NFXL1: variants seen among roughly 807,000 people sequenced by gnomAD.
NFXL1 encodes nuclear transcription factor, X-box binding like 1.
Under a neutral mutation model 123.3 loss-of-function variants are expected in NFXL1, and 66 were observed. The observed-to-expected ratio is 0.54, with a 90% CI of 0.44 to 0.66. The LOEUF (loss-of-function observed/expected upper bound fraction) is 0.66, where lower values mean the gene tolerates loss of function less well. Among genes scored for constraint, NFXL1 ranks in the 30% least tolerant of loss-of-function variants. The pLI is 0.00. For missense variants in NFXL1, 944 were observed against 1,125.6 expected (o/e 0.84, Z 2.31); for synonymous variants, 346 against 360.8 (o/e 0.96, Z 0.46).
chr4:47,877,895 A>T (rs773205340), intron 17 of NFXL1, among the ~76,000 whole-genome samples: 7 of 152,040 alleles, frequency 4.6e-5, no homozygotes, highest in Non-Finnish European at 1.0e-4. Flanking sequence ...ACAGAACGGA[A>T]GTCTAGAAAA....
At chr4:47,852,686 C>A (rs1413895230) in intron 20 of NFXL1, among the ~76,000 whole-genome samples, 3 of 152,074 alleles carry the variant, frequency 2.0e-5, no homozygotes, top group Non-Finnish European at 4.4e-5. Context: ...TGTACTACGA[C>A]AGAATAAAAC....
Position 47,899,138 on chromosome 4 carries a change from C to CAAA in NFXL1, c.827-21_827-19dup, listed in dbSNP as rs3057881. The CAAA allele has an allele frequency of 1.1e-4, 138 of 1,212,058 alleles. No homozygotes were observed. Among genetic ancestry groups the CAAA allele is most frequent in the African/African-American group, 3.0e-4 (16 of 53,424 alleles). 75.1% of individuals were successfully genotyped at this position (1,212,058 alleles called of 1,614,324 possible). A position where few individuals can be genotyped will look rare whatever the true frequency, so the allele number is the denominator to read the frequency against. Reference sequence around the variant, plus strand: ...GCAGGGACCTAGAATTCAGTAAAAGCAAAAAAAAAAAAAAAAAAAAAATCT... The same window carrying CAAA: ...GCAGGGACCTAGAATTCAGTAAAAGCAAAAAAAAAAAAAAAAAAAAAAAAATCT... On this transcript the variant is annotated intron_variant, in intron 6 of 22. Transcript: ENST00000507489.
intron 15 of NFXL1, among the ~76,000 whole-genome samples, chr4:47,880,807 T>TAAAAAAAAAAAAAAAAAAAAAAAAAAAA (rs57880960): frequency 1.3e-5 from 1 of 78,834 alleles, no homozygotes; most frequent in Non-Finnish European, 2.5e-5. Flanking sequence ...AATTAATGAG[T>TAAAAAAAAAAAAAAAAAAAAAAAAAAAA]AAAAAAAAAA....
At chr4:47,881,316 A>G (rs1003702584) in intron 15 of NFXL1, among the ~76,000 whole-genome samples, 3 of 152,254 alleles carry the variant, frequency 2.0e-5, no homozygotes, top group African/African-American at 4.8e-5. Context: ...TCCTATAAAT[A>G]TGTATAATTA....
intron 14 of NFXL1, among the ~76,000 whole-genome samples, chr4:47,885,143 A>G (rs1736349380): frequency 6.6e-6 from 1 of 151,302 alleles, no homozygotes; most frequent in African/African-American, 2.4e-5. Context: ...AAAAAATTAA[A>G]TAACTAAAAA....
At chr4:47,910,104 A>T (rs1041841554) in intron 3 of NFXL1, among the ~76,000 whole-genome samples, 4 of 152,244 alleles carry the variant, frequency 2.6e-5, no homozygotes, top group African/African-American at 9.6e-5. Context: ...TCACATAAAC[A>T]AACGTGGCTT....
intron 11 of NFXL1, among the ~76,000 whole-genome samples, 177 bp from the exon 12 acceptor site, chr4:47,890,880 G>GAAGTATGATGAAGTAA (rs1256212890): frequency 1.2e-4 from 19 of 152,186 alleles, no homozygotes; most frequent in Admixed American, 3.3e-4. Context: ...AACTTATGAT[G>GAAGTATGATGAAGTAA]ACCTAATTTA....
rs1446343388 is a variant in NFXL1 at position 47,847,834 on chromosome 4, T to C, written c.*329A>G. ...ATATGGCTCAGTCTCATCTGAATTATTTTTTTAAAAGTGTTGGTTTGAATT... is the reference window on the plus strand; with the variant it reads ...ATATGGCTCAGTCTCATCTGAATTACTTTTTTAAAAGTGTTGGTTTGAATT... On this transcript the variant is annotated 3_prime_UTR_variant, in exon 23 of 23. Coordinates refer to ENST00000507489, the MANE Select transcript of NFXL1 (RefSeq NM_001278624.2). 1 of 172,512 alleles carries C rather than the reference T, an allele frequency of 5.8e-6. No homozygotes were observed. The highest frequency in any genetic ancestry group is 1.2e-5 in the Non-Finnish European group (1 of 81,716). 10.7% of individuals were successfully genotyped at this position (172,512 alleles called of 1,614,324 possible).
chr4:47,898,212 T>C lies in NFXL1; in HGVS notation c.1090-131A>G, dbSNP rs575614018. 2.0e-3 allele frequency: 1,202 copies of C among 603,592 alleles called. 5 individuals are homozygous for C. The highest frequency in any genetic ancestry group is 2.7e-3 in the Non-Finnish European group (907 of 339,736). 37.4% of individuals were successfully genotyped at this position (603,592 alleles called of 1,614,324 possible). A position where few individuals can be genotyped will look rare whatever the true frequency, so the allele number is the denominator to read the frequency against. On this transcript the variant is annotated intron_variant, in intron 8 of 22. Transcript: ENST00000507489. Reference sequence around the variant, plus strand: ...ACGTCCCTCATATTATTTTACTTTATATTTTATACAGGTGTCATACATATG... The same window carrying C: ...ACGTCCCTCATATTATTTTACTTTACATTTTATACAGGTGTCATACATATG...
intron 19 of NFXL1, among the ~76,000 whole-genome samples, chr4:47,862,240 T>C (rs1734809708): frequency 1.3e-5 from 2 of 152,226 alleles, no homozygotes; most frequent in African/African-American, 4.8e-5. Context: ...TTGAATAAAA[T>C]GCTTAGACAA....
chr4:47,879,340 C>A (rs1330882943), intron 15 of NFXL1, among the ~76,000 whole-genome samples: 1 of 151,876 alleles, frequency 6.6e-6, no homozygotes, highest in African/African-American at 2.4e-5. Context: ...TACATTAGCA[C>A]AAAAAATGAA....
intron 18 of NFXL1, among the ~76,000 whole-genome samples, chr4:47,873,262 A>G (rs1357275886): frequency 6.6e-6 from 1 of 152,156 alleles, no homozygotes; most frequent in Non-Finnish European, 1.5e-5. Context: ...GCTGGAATCA[A>G]CTTCTTCCAA....
rs577600395 is a variant in NFXL1 at position 47,892,060 on chromosome 4, G to A, written c.1453-1357C>T. 5.9e-5 allele frequency among the ~76,000 whole-genome samples: 9 copies of A among 152,308 alleles called. No individual in the cohort carries two copies. The South Asian group carries it at 1.9e-3, about 32-fold the overall frequency. ...ATTATGTGGTCCATGACTTGAATAAGCCAATAGACACTTCTGTTTTGAGTT... is the reference window on the plus strand; with the variant it reads ...ATTATGTGGTCCATGACTTGAATAAACCAATAGACACTTCTGTTTTGAGTT... On this transcript the variant is annotated intron_variant, in intron 11 of 22. Transcript: ENST00000507489.
chr4:47,849,847 T>C (rs1734016337), intron 22 of NFXL1, among the ~76,000 whole-genome samples: 1 of 152,110 alleles, frequency 6.6e-6, no homozygotes, highest in African/African-American at 2.4e-5. Flanking sequence ...CACACAAACA[T>C]CTTCTTGTAT....
chr4:47,851,171 C>A, intron 21 of NFXL1, 23 bp from the exon 22 acceptor site: 4 of 1,547,578 alleles, frequency 2.6e-6, no homozygotes, highest in South Asian at 1.1e-5. Flanking sequence ...ATACAAAAGT[C>A]AATTTACAAT....
At chr4:47,855,429 G>A (rs565175237) in intron 19 of NFXL1, among the ~76,000 whole-genome samples, 4 of 151,734 alleles carry the variant, frequency 2.6e-5, no homozygotes, top group Non-Finnish European at 4.4e-5. Flanking sequence ...CACCCTTGTA[G>A]CTAGTTATAG....
intron 18 of NFXL1, among the ~76,000 whole-genome samples, chr4:47,872,252 AG>A (rs1290322579): frequency 6.6e-6 from 1 of 152,192 alleles, no homozygotes; most frequent in Non-Finnish European, 1.5e-5. Flanking sequence ...TCACGAGGTC[AG>A]GAGTTTGAGA....
chr4:47,898,189 G>C (rs564448585), intron 8 of NFXL1, 108 bp from the exon 9 acceptor site: 1 of 631,904 alleles, frequency 1.6e-6, no homozygotes, highest in East Asian at 2.8e-5. Flanking sequence ...ACTGCTTTAC[G>C]TCCCTCATAT....
At chr4:47,899,739 T>C (rs1448133417) in intron 5 of NFXL1, among the ~76,000 whole-genome samples, 191 bp from the exon 6 acceptor site, 2 of 152,192 alleles carry the variant, frequency 1.3e-5, no homozygotes, top group Non-Finnish European at 2.9e-5. Context: ...CACTGCACAA[T>C]ACAATGTGCT....
Sources: allele counts gnomAD v4.1 joint callset (sites outside exome capture counted in the v4.1 genomes callset), GRCh38; gene constraint gnomAD v4.1.1; transcripts MANE v1.5; gene names NCBI Gene and HGNC (gene_info 2026-07-23, HGNC 2026-07-21).